The following NRXN3 variants were observed in gnomAD, a reference collection of about 807,000 sequenced individuals.
NRXN3 encodes the protein neurexin 3.
Under a neutral mutation model 137.6 loss-of-function variants are expected in NRXN3, and 32 were observed. The observed-to-expected ratio is 0.23, with a 90% CI of 0.18 to 0.31. The LOEUF is 0.31. Ranked by LOEUF, NRXN3 falls within the 10% of genes least tolerant of loss-of-function variation. NRXN3 has a pLI of 1.00. For synonymous variants in NRXN3, 798 were observed against 784.5 expected, an observed-to-expected ratio of 1.02 and a Z score of -0.29; for missense variants, 1,574 against 2,062.5, an observed-to-expected ratio of 0.76 and a Z score of 4.59.
intron 4 of NRXN3, among the ~76,000 whole-genome samples, chr14:78,572,942 G>T (rs190598712): frequency 6.6e-6 from 1 of 152,286 alleles, no homozygotes; most frequent in East Asian, 1.9e-4. Context: ...ACCTTGAATT[G>T]TAATAATCCC....
chr14:78,207,156 G>T (rs1483604654), intron 1 of NRXN3, among the ~76,000 whole-genome samples: 1 of 152,118 alleles, frequency 6.6e-6, no homozygotes. Flanking sequence ...GAACCACCGC[G>T]CCCGGCCTCC....
chr14:78,922,355 C>A (rs2099273001), intron 10 of NRXN3, among the ~76,000 whole-genome samples: 1 of 152,106 alleles, frequency 6.6e-6, no homozygotes, highest in Admixed American at 6.6e-5. Flanking sequence ...TAGTTCTTAT[C>A]TTTCTTTGAG....
At chr14:78,892,677 A>G (rs1176997993) in intron 10 of NRXN3, among the ~76,000 whole-genome samples, 2 of 151,436 alleles carry the variant, frequency 1.3e-5, no homozygotes, top group Admixed American at 6.6e-5. Context: ...AGAATTATCT[A>G]TAGGTTATGG....
intron 16 of NRXN3, among the ~76,000 whole-genome samples, chr14:79,470,722 T>G (rs1388383620): frequency 6.6e-6 from 1 of 152,184 alleles, no homozygotes; most frequent in African/African-American, 2.4e-5. Context: ...AGCTTCATTC[T>G]TTGAATATGA....
chr14:79,665,002 C>T (rs976915785), intron 17 of NRXN3, among the ~76,000 whole-genome samples: 3 of 152,116 alleles, frequency 2.0e-5, no homozygotes, highest in African/African-American at 4.8e-5. Context: ...TTTCACATGT[C>T]TAAGAGCCAT....
chr14:78,341,264 ACT>A (rs1439602833), intron 4 of NRXN3, among the ~76,000 whole-genome samples: 1 of 151,946 alleles, frequency 6.6e-6, no homozygotes, highest in African/African-American at 2.4e-5. Context: ...TGCTTTTCAG[ACT>A]CTCATGTGTG....
intron 15 of NRXN3, among the ~76,000 whole-genome samples, chr14:79,406,449 A>G (rs1298511166): frequency 1.3e-5 from 2 of 151,816 alleles, no homozygotes; most frequent in African/African-American, 2.4e-5. Context: ...TCACAGTTGC[A>G]TGCCACAGTG....
chr14:79,325,930 A>G lies in NRXN3; in HGVS notation c.3263-141291A>G, dbSNP rs530355795. ...TTTCTTCAAAAGGAAAAAATAAAAA[A>G]TAAAAAAAAGCTACTCTTGCTGGAA... On this transcript the variant is annotated intron_variant, in intron 15 of 20. Coordinates refer to ENST00000335750, the MANE Select transcript of NRXN3 (RefSeq NM_001330195.2). Among the ~76,000 whole-genome samples, 104 of 152,202 alleles carry G rather than the reference A, an allele frequency of 6.8e-4. 2 individuals are homozygous for G. In the South Asian group the frequency reaches 0.021, roughly 30 times the overall value.
At chr14:78,592,280 A>G (rs1286784653) in intron 4 of NRXN3, among the ~76,000 whole-genome samples, 2 of 152,108 alleles carry the variant, frequency 1.3e-5, no homozygotes, top group African/African-American at 2.4e-5. Context: ...TTCATCTTGT[A>G]CAATTCTTGT....
At chr14:79,740,731 T>TATATGGA (rs1393625895) in intron 19 of NRXN3, among the ~76,000 whole-genome samples, 1 of 31,612 alleles carries the variant, frequency 3.2e-5, no homozygotes, top group Non-Finnish European at 6.9e-5. Context: ...TATATATATA[T>TATATGGA]ATATATATAT....
At chr14:79,654,344 T>C (rs1382346145) in intron 16 of NRXN3, among the ~76,000 whole-genome samples, 2 of 151,610 alleles carry the variant, frequency 1.3e-5, no homozygotes, top group Non-Finnish European at 2.9e-5. Flanking sequence ...AAAAAAAACT[T>C]AAAAAAAATT....
chr14:78,380,106 A>T (rs2088758928), intron 4 of NRXN3, among the ~76,000 whole-genome samples: 1 of 152,152 alleles, frequency 6.6e-6, no homozygotes, highest in Non-Finnish European at 1.5e-5. Flanking sequence ...AAATAAAAAC[A>T]ATCTAAATAA....
chr14:78,358,508 C>T (rs943917283), intron 4 of NRXN3, among the ~76,000 whole-genome samples: 1 of 152,164 alleles, frequency 6.6e-6, no homozygotes, highest in Non-Finnish European at 1.5e-5. Flanking sequence ...TAACCGCTTG[C>T]TTCAAGAACA....
intron 4 of NRXN3, among the ~76,000 whole-genome samples, chr14:78,403,551 G>T (rs2092264776): frequency 6.6e-6 from 1 of 152,122 alleles, no homozygotes; most frequent in African/African-American, 2.4e-5. Flanking sequence ...CTCTTTGCTG[G>T]CTGAAGCTCC....
At chr14:79,093,487 A>G (rs1371177022) in intron 15 of NRXN3, among the ~76,000 whole-genome samples, 2 of 152,184 alleles carry the variant, frequency 1.3e-5, no homozygotes, top group African/African-American at 2.4e-5. Flanking sequence ...AAAAGACACC[A>G]TTAGGATGCT....
chr14:79,187,557 A>G (rs1465293968), intron 15 of NRXN3, among the ~76,000 whole-genome samples: 1 of 152,218 alleles, frequency 6.6e-6, no homozygotes, highest in Non-Finnish European at 1.5e-5. Flanking sequence ...AGGTAATATA[A>G]TGCAATTTCA....
chr14:79,284,022 A>G (rs565508001), intron 15 of NRXN3, among the ~76,000 whole-genome samples: 17 of 152,224 alleles, frequency 1.1e-4, no homozygotes, highest in Admixed American at 2.0e-4. Flanking sequence ...GTTCCTTTTC[A>G]TCCTTGGCTT....
chr14:78,336,927 G>C (rs1252953575), intron 4 of NRXN3, among the ~76,000 whole-genome samples: 1 of 152,154 alleles, frequency 6.6e-6, no homozygotes, highest in Non-Finnish European at 1.5e-5. Context: ...GTTGCTCCTT[G>C]TGCAAATTTT....
intron 20 of NRXN3, among the ~76,000 whole-genome samples, chr14:79,844,204 C>T (rs1568429943): frequency 6.6e-6 from 1 of 151,892 alleles, no homozygotes; most frequent in East Asian, 1.9e-4. Context: ...TTGCTATTTC[C>T]ACCATATCTT....
Sources: allele counts gnomAD v4.1 joint callset (sites outside exome capture counted in the v4.1 genomes callset), GRCh38; gene constraint gnomAD v4.1.1; transcripts MANE v1.5; gene names NCBI Gene and HGNC (gene_info 2026-07-23, HGNC 2026-07-21).